CARNS1: variants seen among roughly 807,000 people sequenced by gnomAD.
The protein encoded by CARNS1 is carnosine synthase 1.
A neutral mutation model predicts 74.0 loss-of-function variants in CARNS1; 61 were observed. That is an observed-to-expected ratio of 0.82 (90% CI 0.67 to 1.02). The LOEUF is 1.02. Among genes scored for constraint, CARNS1 ranks in the 50% least tolerant of loss-of-function variants. The pLI, the probability that CARNS1 is intolerant of heterozygous loss-of-function variation, is 0.00. For missense variants in CARNS1, 1,278 were observed against 1,308.4 expected, an observed-to-expected ratio of 0.98 and a Z score of 0.36; for synonymous variants, 568 against 605.5, an observed-to-expected ratio of 0.94 and a Z score of 0.91.
chr11:67,417,764 G>C (rs1179737345), intron 3 of CARNS1, 87 bp downstream of exon 3: 9 of 1,005,502 alleles, frequency 9.0e-6, no homozygotes, highest in Non-Finnish European at 9.0e-6. Context: ...TGTCAAGGTC[G>C]GCCCCTTCCC....
chr11:67,421,706 C>T (rs1023611986), intron 9 of CARNS1, among the ~76,000 whole-genome samples: 1 of 152,100 alleles, frequency 6.6e-6, no homozygotes, highest in African/African-American at 2.4e-5. Context: ...GAATCTGGAG[C>T]GAGCCAGGCA....
At chr11:67,416,749 T>TG (rs1037634782) in intron 2 of CARNS1, 177 of 985,938 alleles carry the variant, frequency 1.8e-4, no homozygotes, top group Non-Finnish European at 2.0e-4. Flanking sequence ...AGCCCCATAT[T>TG]GGGGGGGCGC....
chr11:67,417,437 G>A lies in CARNS1; in HGVS notation c.34G>A (p.Asp12Asn). ...LSLDPSGPEW[D>N]CPLGSKDLEE... ...CCTGGATCCATCGGGTCCCGAGTGG[G>A]ATTGCCCACTGGGCTCCAAGGACCT... Residue 12 changes from aspartate to asparagine, a missense_variant, in exon 3 of 10, where the codon GAT becomes AAT. Physicochemically the swap from Asp to Asn is conservative, Grantham distance 23. This residue lies in a region of CARNS1 where 104 missense variants were observed against 127.3 expected (regional missense o/e 0.82). Coordinates refer to ENST00000687366, the MANE Select transcript of CARNS1 (RefSeq NM_001166222.2). 7.1e-7 allele frequency: 1 copy of A among 1,415,052 alleles called. No individual in the cohort carries two copies. Among genetic ancestry groups the A allele is most frequent in the African/African-American group, 1.5e-5 (1 of 67,708 alleles). The allele number at this position is 1,415,052 out of a possible 1,614,324, so 87.7% of individuals were successfully genotyped here. A position where few individuals can be genotyped will look rare whatever the true frequency, so the allele number is the denominator to read the frequency against.
Position 67,419,231 on chromosome 11 carries a change from T to C in CARNS1, c.840T>C (p.Gly280=). The C allele has an allele frequency of 6.8e-7, 1 of 1,481,288 alleles. No individual in the cohort carries two copies. Among genetic ancestry groups the C allele is most frequent in the Non-Finnish European group, 9.0e-7 (1 of 1,110,324 alleles). The allele number at this position is 1,481,288 out of a possible 1,614,324, so 91.8% of individuals were successfully genotyped here. The change falls in exon 5 of 10, where the codon GGT becomes GGC. Residue 280 remains glycine (G), a synonymous_variant. Coordinates refer to ENST00000687366, the MANE Select transcript of CARNS1 (RefSeq NM_001166222.2). ...CTTTTCTGCGCTCCGAGGCCCTGGG[T>C]GATATCCTGCAGGTAACAGACTCTC... ...VEAFLRSEAL[G]DILQVAVKLS... is the part of the protein sequence containing the mutation.
chr11:67,421,397 G>T (rs1477543196), intron 9 of CARNS1, among the ~76,000 whole-genome samples, 178 bp downstream of exon 9: 1 of 152,228 alleles, frequency 6.6e-6, no homozygotes, highest in Non-Finnish European at 1.5e-5. Context: ...TAAGGGCGGA[G>T]TCCGCCGCCC....
At position 67,423,319 on chromosome 11, in the gene CARNS1, C is replaced by T; in HGVS notation, c.1627-56C>T. The T allele has an allele frequency of 6.5e-7, 1 of 1,539,040 alleles. No homozygotes were observed. The highest frequency in any genetic ancestry group is 1.3e-5 in the South Asian group (1 of 79,808). Reference sequence around the variant, plus strand: ...GGGCCATCCTAGGCCCCATCCTATCCCCCTAGCACCCAGTACTAGCTGACC... The same window carrying T: ...GGGCCATCCTAGGCCCCATCCTATCTCCCTAGCACCCAGTACTAGCTGACC... On this transcript the variant is annotated intron_variant, in intron 9 of 9. Transcript: ENST00000687366. This position sits in a 1 kb window ranked among gnomAD's most constrained non-coding sequence, Gnocchi z 5.1.
chr11:67,420,730 G>T lies in CARNS1; in HGVS notation c.1235G>T (p.Arg412Leu). 1 of 1,259,602 alleles carries T rather than the reference G, an allele frequency of 7.9e-7. No individual in the cohort carries two copies. The highest frequency in any genetic ancestry group is 9.9e-7 in the Non-Finnish European group (1 of 1,006,200). The allele number at this position is 1,259,602 out of a possible 1,614,324, so 78.0% of individuals were successfully genotyped here. The change falls in exon 8 of 10, where the codon CGG (arginine) becomes CTG (leucine). Residue 412 changes from arginine to leucine, a missense_variant. Physicochemically the swap from Arg to Leu is moderately radical, Grantham distance 102. Around this residue, in one of 3 missense-constraint regions of CARNS1, gnomAD observed 1,164 missense variants for 1,156.5 expected, o/e 1.01. Transcript: ENST00000687366. ...GAGGAGGCGCAGGTGGCGGCTGTGC[G>T]GCAGCGCGTCAAGGCGGCGGCCGAG... Reference protein sequence around the residue: ...LGEEAQVAAVRQRVKAAAEAA... With the variant: ...LGEEAQVAAVLQRVKAAAEAA...
intron 3 of CARNS1, among the ~76,000 whole-genome samples, chr11:67,417,937 TTGTGTGGCAC>T (rs1345901805): frequency 6.6e-6 from 1 of 152,158 alleles, no homozygotes; most frequent in Admixed American, 6.5e-5. Flanking sequence ...GGAAACCACG[TTGTGTGGCAC>T]CGAAGCTTCT....
chr11:67,420,963 C>A lies in CARNS1; in HGVS notation c.1370C>A (p.Ala457Asp). 1 of 1,424,214 alleles carries A rather than the reference C, an allele frequency of 7.0e-7. No homozygotes were observed. The highest frequency in any genetic ancestry group is 1.4e-5 in the South Asian group (1 of 73,050). 88.2% of individuals were successfully genotyped at this position (1,424,214 alleles called of 1,614,324 possible). A position where few individuals can be genotyped will look rare whatever the true frequency, so the allele number is the denominator to read the frequency against. Residue 457 changes from alanine (A) to aspartate (D), a missense_variant, in exon 9 of 10, where the codon GCC becomes GAC. By Grantham distance (126) the Ala-to-Asp change is moderately radical. Transcript: ENST00000687366. Reference sequence around the variant, plus strand: ...GGCGTGGATTTCGCGCTGACAGCGGCCGGCGGCGTGCTGACCCCAGTGGCC... The same window carrying A: ...GGCGTGGATTTCGCGCTGACAGCGGACGGCGGCGTGCTGACCCCAGTGGCC... ...FLGVDFALTA[A>D]GGVLTPVALE... is the part of the protein sequence containing the mutation.
In CARNS1 at chr11:67,418,827, G is replaced by A. The variant is rs1292534994; in HGVS notation, c.436G>A (p.Ala146Thr). The A allele has an allele frequency of 6.2e-7, 1 of 1,601,144 alleles. No individual in the cohort carries two copies. Among genetic ancestry groups the A allele is most frequent in the East Asian group, 2.3e-5 (1 of 44,230 alleles). Residue 146 changes from alanine to threonine, a missense_variant, in exon 5 of 10, where the codon GCC (alanine) becomes ACC (threonine). Transcript: ENST00000687366. ...AGCACCCGGGCAGCCGGGTGAGGCA[G>A]CCCTGCTAGTCTCCAAGGCTGTGAG... ...VPAPGQPGEA[A>T]LLVSKAVSFH... is the part of the protein sequence containing the mutation.
chr11:67,419,290 A>T lies in CARNS1; in HGVS notation c.852+47A>T, dbSNP rs913634544. On this transcript the variant is annotated intron_variant, in intron 5 of 9. Transcript: ENST00000687366. Reference sequence around the variant, plus strand: ...TGAGGTCTGTACAGATGCCAGCAGGATGGGACCCAGGCACGGTTACCAAGT... The same window carrying T: ...TGAGGTCTGTACAGATGCCAGCAGGTTGGGACCCAGGCACGGTTACCAAGT... The T allele has an allele frequency of 4.1e-6, 6 of 1,467,536 alleles. No individual in the cohort carries two copies. In the African/African-American group the frequency reaches 4.3e-5, roughly 10 times the overall value. 90.9% of individuals were successfully genotyped at this position (1,467,536 alleles called of 1,614,324 possible).
intron 1 of CARNS1, 125 bp downstream of exon 1, chr11:67,415,888 C>T (rs1863533566): frequency 7.7e-6 from 2 of 258,868 alleles, no homozygotes; most frequent in African/African-American, 2.3e-5. Context: ...ACGCCCCCCA[C>T]CCCCGGGACC....
Position 67,423,246 on chromosome 11 carries a change from C to A in CARNS1, c.1627-129C>A. 1 of 915,750 alleles carries A rather than the reference C, an allele frequency of 1.1e-6. No individual in the cohort carries two copies. Among genetic ancestry groups the A allele is most frequent in the Non-Finnish European group, 1.7e-6 (1 of 605,832 alleles). The allele number at this position is 915,750 out of a possible 1,614,324, so 56.7% of individuals were successfully genotyped here. A position where few individuals can be genotyped will look rare whatever the true frequency, so the allele number is the denominator to read the frequency against. On this transcript the variant is annotated intron_variant, in intron 9 of 9. Coordinates refer to ENST00000687366, the MANE Select transcript of CARNS1 (RefSeq NM_001166222.2). This position sits in a 1 kb window ranked among gnomAD's most constrained non-coding sequence, Gnocchi z 5.1. ...TTCCATTTATTCAGTCAATCCACAA[C>A]ACACATTTATTGAGCACCTAGTGTT...
chr11:67,425,405 C>T lies in CARNS1; in HGVS notation c.*804C>T, dbSNP rs1250428155. ...GTGGCCCTGAGACACGTGAACACCT[C>T]CCTCCTATGCATCACAAACCTTCTC... On this transcript the variant is annotated 3_prime_UTR_variant, in exon 10 of 10. Transcript: ENST00000687366. 3 of 258,440 alleles carry T rather than the reference C, an allele frequency of 1.2e-5. No individual in the cohort carries two copies. Among genetic ancestry groups the T allele is most frequent in the Non-Finnish European group, 2.3e-5 (3 of 127,990 alleles). 16.0% of individuals were successfully genotyped at this position (258,440 alleles called of 1,614,324 possible). A position where few individuals can be genotyped will look rare whatever the true frequency, so the allele number is the denominator to read the frequency against.
At chr11:67,422,201 T>TTTA (rs1863727905) in intron 9 of CARNS1, among the ~76,000 whole-genome samples, 1 of 130,764 alleles carries the variant, frequency 7.6e-6, no homozygotes, top group African/African-American at 2.9e-5. Context: ...TTTTTTTTTT[T>TTTA]AATACGGAGT....
rs1863675605 is a variant in CARNS1 at position 67,420,813 on chromosome 11, G to C, written c.1318G>C (p.Gly440Arg). ...EAGLSAEQRG[G>R]RRAHTDFLGV... is the part of the protein sequence containing the mutation. ...CGGCCTGAGTGCCGAGCAGCGCGGC[G>C]GGCGCCGGGCGCACACGGACTTCCT... Residue 440 changes from glycine (G) to arginine (R), a missense_variant, in exon 8 of 10, where the codon GGG (glycine) becomes CGG (arginine). Around this residue, in one of 3 missense-constraint regions of CARNS1, gnomAD observed 1,164 missense variants for 1,156.5 expected, o/e 1.01. Coordinates refer to ENST00000687366, the MANE Select transcript of CARNS1 (RefSeq NM_001166222.2). 2 of 1,222,524 alleles carry C rather than the reference G, an allele frequency of 1.6e-6. No homozygotes were observed. Among genetic ancestry groups the C allele is most frequent in the Non-Finnish European group, 2.0e-6 (2 of 983,212 alleles). The allele number at this position is 1,222,524 out of a possible 1,614,324, so 75.7% of individuals were successfully genotyped here. A position where few individuals can be genotyped will look rare whatever the true frequency, so the allele number is the denominator to read the frequency against.
chr11:67,419,115 C>A lies in CARNS1; in HGVS notation c.724C>A (p.Leu242Met). The A allele has an allele frequency of 6.4e-7, 1 of 1,573,514 alleles. No homozygotes were observed. ...LAFTYKPPGL[L>M]RGGDASLGLR... ...TTTCACCTACAAGCCGCCGGGGCTG[C>A]TGCGGGGAGGGGATGCCAGCCTAGG... The change falls in exon 5 of 10, where the codon CTG becomes ATG. Residue 242 changes from leucine (L) to methionine (M), a missense_variant. By Grantham distance (15) the Leu-to-Met change is conservative (BLOSUM62 2). Coordinates refer to ENST00000687366, the MANE Select transcript of CARNS1 (RefSeq NM_001166222.2).
rs368105354 is a variant in CARNS1, at chr11:67,421,358, T to C, written c.1626+139T>C. ...CTAGAGGCGGTGCTTGGGCGGGGCA[T>C]CCTGGCCAGGTACAAGTAAGCCCAG... On this transcript the variant is annotated intron_variant, in intron 9 of 9. Transcript: ENST00000687366. 1.8e-5 allele frequency: 18 copies of C among 1,019,896 alleles called. No homozygotes were observed. In the African/African-American group the frequency reaches 2.6e-4, roughly 15 times the overall value. 63.2% of individuals were successfully genotyped at this position (1,019,896 alleles called of 1,614,324 possible).
intron 2 of CARNS1, 180 bp downstream of exon 2, chr11:67,416,382 T>C (rs1266593957): frequency 7.0e-7 from 1 of 1,436,308 alleles, no homozygotes; most frequent in East Asian, 2.6e-5. Flanking sequence ...TGGGCACTCT[T>C]AGTGCCCTGT....
Sources: gnomAD v4.1 joint callset for allele counts (sites outside exome capture counted in the v4.1 genomes callset) on GRCh38, gnomAD v4.1.1 for gene constraint, gnomAD v4.1.1 regional missense constraint, Gnocchi (gnomAD v3.1) non-coding constraint, MANE v1.5 for transcripts, NCBI Gene and HGNC (gene_info 2026-07-23, HGNC 2026-07-21) for gene names.